The following CCDC12 variants were observed in gnomAD, a reference collection of about 807,000 sequenced individuals.
CCDC12 encodes coiled-coil domain-containing protein 12.
Under a neutral mutation model 25.7 loss-of-function variants are expected in CCDC12, and 28 were observed. The ratio of observed to expected loss-of-function variants is 1.09; its 90% CI spans 0.81 to 1.50. CCDC12 has a LOEUF of 1.50. Among genes scored for constraint, CCDC12 ranks in the 40% most tolerant of loss-of-function variants. The pLI, the probability that CCDC12 is intolerant of heterozygous loss-of-function variation, is 0.00. For synonymous variants in CCDC12, 75 were observed against 87.7 expected (o/e 0.86, Z 0.81); for missense variants, 198 against 210.0 (o/e 0.94, Z 0.35).
chr3:46,957,621 A>G (rs2034331282), intron 1 of CCDC12, among the ~76,000 whole-genome samples: 1 of 152,188 alleles, frequency 6.6e-6, no homozygotes. Flanking sequence ...GTTACGTTTC[A>G]GTACTGACTG....
At chr3:46,976,840 G>A (rs2035013110), upstream of CCDC12, 2 of 1,510,382 alleles carry the variant, frequency 1.3e-6, no homozygotes, top group South Asian at 1.2e-5. Context: ...GAGACTGGGA[G>A]GTCCTGAAAG....
At position 46,921,975 on chromosome 3, in the gene CCDC12, T is replaced by C. The variant is rs2032696766; in HGVS notation, c.*82A>G. 1.4e-6 allele frequency: 2 copies of C among 1,472,520 alleles called. No homozygotes were observed. The highest frequency in any genetic ancestry group is 2.4e-4 in the Middle Eastern group (1 of 4,120). The allele number at this position is 1,472,520 out of a possible 1,614,324, so 91.2% of individuals were successfully genotyped here. A position where few individuals can be genotyped will look rare whatever the true frequency, so the allele number is the denominator to read the frequency against. On this transcript the variant is annotated 3_prime_UTR_variant, in exon 7 of 7. Transcript: ENST00000683445. ...TGCTCAGAAGCCAAACTGGAGGTGA[T>C]GGCAAGCCTAGCCCCCATCCCTGCC...
chr3:46,923,621 CG>C lies in CCDC12; in HGVS notation c.291del (p.Val98SerfsTer30). The C allele has an allele frequency of 1.3e-6, 2 of 1,594,148 alleles. No homozygotes were observed. Among genetic ancestry groups the C allele is most frequent in the Non-Finnish European group, 1.7e-6 (2 of 1,169,422 alleles). On this transcript the variant is annotated frameshift_variant, in exon 4 of 7. Coordinates refer to ENST00000683445, the MANE Select transcript of CCDC12 (RefSeq NM_001277074.2). LOFTEE classifies it high-confidence loss of function. ...CAGGCACTCACCACCTCCTCGATGA[CG>C]GGCTCGGGCTTGGCGGCCTCCAGCT... ...KEQLEAAKPE[P>X]VIEEVDLANL...
intron 1 of CCDC12, among the ~76,000 whole-genome samples, chr3:46,952,220 A>T (rs2034151380): frequency 6.6e-6 from 1 of 152,098 alleles, no homozygotes; most frequent in African/African-American, 2.4e-5. Flanking sequence ...CCACCTGGGG[A>T]GGCAGAAGGC....
chr3:46,935,801 G>A (rs1416990639), intron 2 of CCDC12, among the ~76,000 whole-genome samples: 5 of 152,200 alleles, frequency 3.3e-5, no homozygotes, highest in African/African-American at 1.2e-4. Flanking sequence ...CCCACCCAAT[G>A]GGGATTTGGT....
chr3:46,955,666 A>G (rs988787214), intron 1 of CCDC12, among the ~76,000 whole-genome samples: 1 of 152,214 alleles, frequency 6.6e-6, no homozygotes, highest in African/African-American at 2.4e-5. Flanking sequence ...AAGCACTGAG[A>G]ACCTGGAGGA....
chr3:46,981,482 C>T (rs2035335108), upstream of CCDC12, among the ~76,000 whole-genome samples: 1 of 152,162 alleles, frequency 6.6e-6, no homozygotes, highest in Non-Finnish European at 1.5e-5. Flanking sequence ...CAGCCCTGAC[C>T]TCAGGGGCTT....
chr3:46,966,690 G>A (rs912115759), intron 1 of CCDC12, among the ~76,000 whole-genome samples: 3 of 152,084 alleles, frequency 2.0e-5, no homozygotes, highest in Non-Finnish European at 4.4e-5. Context: ...CTCCTGAGAG[G>A]AGGGATGGAT....
intron 1 of CCDC12, among the ~76,000 whole-genome samples, chr3:46,959,970 T>C (rs539058884): frequency 1.3e-5 from 2 of 152,168 alleles, no homozygotes; most frequent in African/African-American, 4.8e-5. Flanking sequence ...AGCCAACCAA[T>C]GAGATAAAGC....
chr3:46,954,445 C>T (rs146765236), intron 1 of CCDC12, among the ~76,000 whole-genome samples: 2 of 152,304 alleles, frequency 1.3e-5, no homozygotes, highest in Admixed American at 6.5e-5. Context: ...CACCCTAGTC[C>T]CATGGCCCTG....
chr3:46,975,375 G>C (rs1462602161), intron 1 of CCDC12, among the ~76,000 whole-genome samples: 1 of 151,968 alleles, frequency 6.6e-6, no homozygotes, highest in African/African-American at 2.4e-5. Context: ...AGTAGAAATG[G>C]GGTTTCACCA....
intron 1 of CCDC12, among the ~76,000 whole-genome samples, chr3:46,962,138 A>C (rs2034481720): frequency 6.6e-6 from 1 of 152,192 alleles, no homozygotes; most frequent in Admixed American, 6.5e-5. Context: ...TATTCGCCAA[A>C]GAATTCAATT....
chr3:46,979,422 C>T (rs1264324041), upstream of CCDC12: 1 of 153,868 alleles, frequency 6.5e-6, no homozygotes, highest in African/African-American at 2.4e-5. Context: ...TGCAGTCAGG[C>T]GAGCAGCGTC....
intron 1 of CCDC12, among the ~76,000 whole-genome samples, chr3:46,944,351 G>A (rs903714230): frequency 1.3e-5 from 2 of 151,974 alleles, no homozygotes; most frequent in Admixed American, 6.6e-5. Flanking sequence ...GATTCTACCC[G>A]CCTCTCCTGC....
chr3:46,925,391 C>T (rs1176506232), intron 3 of CCDC12, 65 bp downstream of exon 3: 1 of 1,371,616 alleles, frequency 7.3e-7, no homozygotes, highest in Non-Finnish European at 1.0e-6. Flanking sequence ...GAGAGCAAAG[C>T]CTGCTGAGGT....
At chr3:46,975,139 C>T (rs538685496) in intron 1 of CCDC12, among the ~76,000 whole-genome samples, 19 of 152,052 alleles carry the variant, frequency 1.2e-4, no homozygotes, top group African/African-American at 4.1e-4. Context: ...AATTAATAGG[C>T]TAGTAGGCCC....
chr3:46,932,636 G>C (rs1469597485), intron 2 of CCDC12, among the ~76,000 whole-genome samples: 1 of 152,238 alleles, frequency 6.6e-6, no homozygotes, highest in Admixed American at 6.5e-5. Flanking sequence ...GACACAAGAA[G>C]TGACCATGGG....
Position 46,976,367 on chromosome 3 carries a change from G to A in CCDC12, c.96+270C>T, listed in dbSNP as rs891932529. Reference sequence around the variant, plus strand: ...TAGATACCTACACGAGCAACACCCGGGAAGCAGGAGTCAGATGGACTGCGG... The same window carrying A: ...TAGATACCTACACGAGCAACACCCGAGAAGCAGGAGTCAGATGGACTGCGG... On this transcript the variant is annotated intron_variant, in intron 1 of 6. Coordinates refer to ENST00000683445, the MANE Select transcript of CCDC12 (RefSeq NM_001277074.2). 25 of 1,371,718 alleles carry A rather than the reference G, an allele frequency of 1.8e-5. No homozygotes were observed. The East Asian group carries it at 2.3e-4, about 13-fold the overall frequency. The allele number at this position is 1,371,718 out of a possible 1,614,324, so 85.0% of individuals were successfully genotyped here. A position where few individuals can be genotyped will look rare whatever the true frequency, so the allele number is the denominator to read the frequency against.
intron 1 of CCDC12, among the ~76,000 whole-genome samples, chr3:46,973,504 A>C (rs2034870116): frequency 6.6e-6 from 1 of 152,026 alleles, no homozygotes; most frequent in Non-Finnish European, 1.5e-5. Flanking sequence ...TCAAAAAAAA[A>C]AAAACAAGAA....
Sources: allele counts gnomAD v4.1 joint callset (sites outside exome capture counted in the v4.1 genomes callset), GRCh38; gene constraint gnomAD v4.1.1; transcripts MANE v1.5; gene names NCBI Gene and HGNC (gene_info 2026-07-23, HGNC 2026-07-21).